The following TRPM3 variants were observed in gnomAD, a reference collection of about 807,000 sequenced individuals.
TRPM3 encodes long transient receptor potential channel 3.
Under a neutral mutation model 181.2 loss-of-function variants are expected in TRPM3, and 77 were observed. That is an observed-to-expected ratio of 0.42 (90% CI 0.35 to 0.51). TRPM3 has a LOEUF of 0.51. TRPM3 is among the 20% of genes least tolerant of loss of function. TRPM3 has a pLI of 0.01. For synonymous variants in TRPM3, 745 were observed against 796.4 expected, an observed-to-expected ratio of 0.94 and a Z score of 1.09; for missense variants, 1,759 against 2,196.7, an observed-to-expected ratio of 0.80 and a Z score of 3.98.
chr9:71,182,676 A>C (rs1210301826), intron 1 of TRPM3, among the ~76,000 whole-genome samples: 2 of 152,052 alleles, frequency 1.3e-5, no homozygotes, highest in African/African-American at 4.8e-5. Flanking sequence ...ATTTTATTTT[A>C]TTTTTAGATG....
chr9:70,617,388 G>C (rs1005787461), intron 17 of TRPM3, among the ~76,000 whole-genome samples: 1 of 152,166 alleles, frequency 6.6e-6, no homozygotes, highest in Non-Finnish European at 1.5e-5. Context: ...CCATAAAATG[G>C]TGGGTGTCAG....
At chr9:71,009,514 A>G (rs1402120470) in intron 1 of TRPM3, among the ~76,000 whole-genome samples, 1 of 152,182 alleles carries the variant, frequency 6.6e-6, no homozygotes, top group African/African-American at 2.4e-5. Flanking sequence ...GATACCTATG[A>G]ATAAACAACC....
At chr9:70,967,247 A>G (rs1479369806) in intron 1 of TRPM3, among the ~76,000 whole-genome samples, 1 of 152,056 alleles carries the variant, frequency 6.6e-6, no homozygotes, top group Non-Finnish European at 1.5e-5. Context: ...CCTTGGGGAC[A>G]GTCAGTGCTA....
chr9:71,339,038 G>C (rs2090771370), intron 1 of TRPM3, among the ~76,000 whole-genome samples: 1 of 151,880 alleles, frequency 6.6e-6, no homozygotes, highest in African/African-American at 2.4e-5. Context: ...TATAAACTTA[G>C]GATGCTAAAA....
At chr9:70,594,258 A>G (rs780291713) in intron 21 of TRPM3, among the ~76,000 whole-genome samples, 1 of 152,138 alleles carries the variant, frequency 6.6e-6, no homozygotes, top group Non-Finnish European at 1.5e-5. Context: ...GGCATGTGAA[A>G]CAATGTGGTA....
At chr9:70,566,035 C>T (rs1381804221) in intron 22 of TRPM3, among the ~76,000 whole-genome samples, 4 of 152,108 alleles carry the variant, frequency 2.6e-5, no homozygotes, top group Middle Eastern at 6.8e-3. Context: ...CATCAGTGAG[C>T]GAAACATCAA....
chr9:71,245,909 T>C (rs1338729909), intron 1 of TRPM3, among the ~76,000 whole-genome samples: 1 of 152,004 alleles, frequency 6.6e-6, no homozygotes, highest in Admixed American at 6.6e-5. Flanking sequence ...AGAAGAGAGA[T>C]TTATAAAAGA....
At chr9:70,744,289 C>T (rs2074730772) in intron 8 of TRPM3, among the ~76,000 whole-genome samples, 2 of 149,828 alleles carry the variant, frequency 1.3e-5, no homozygotes, top group South Asian at 4.2e-4. Flanking sequence ...GATCATGCCA[C>T]TGCACCTCAG....
chr9:71,223,969 C>A (rs2080410573), intron 1 of TRPM3, among the ~76,000 whole-genome samples: 1 of 152,206 alleles, frequency 6.6e-6, no homozygotes, highest in Admixed American at 6.5e-5. Context: ...GAACTTGCCA[C>A]CCTAAAGGGA....
chr9:70,894,015 C>T (rs2096248442), intron 1 of TRPM3, among the ~76,000 whole-genome samples: 1 of 152,068 alleles, frequency 6.6e-6, no homozygotes, highest in African/African-American at 2.4e-5. Flanking sequence ...TATTGGAGGA[C>T]AAAATGGGTC....
At chr9:70,667,055 A>G (rs2061945483) in intron 9 of TRPM3, among the ~76,000 whole-genome samples, 2 of 151,472 alleles carry the variant, frequency 1.3e-5, no homozygotes, top group Non-Finnish European at 2.9e-5. Flanking sequence ...AGTATTGGTG[A>G]ATTTCCTTCT....
chr9:71,081,758 A>G (rs1439347608), intron 1 of TRPM3, among the ~76,000 whole-genome samples: 2 of 152,116 alleles, frequency 1.3e-5, no homozygotes, highest in Non-Finnish European at 2.9e-5. Flanking sequence ...TTTGTATCCT[A>G]TTTCTGAAAT....
chr9:71,413,518 T>C (rs1429986914), intron 1 of TRPM3, among the ~76,000 whole-genome samples: 1 of 152,106 alleles, frequency 6.6e-6, no homozygotes, highest in African/African-American at 2.4e-5. Context: ...CTCATAATAC[T>C]GTAGTTTCTT....
rs1234639243 is a variant in TRPM3 at position 70,610,149 on chromosome 9, ACATGCACACACACG to A, written c.2667+446_2667+459del. On this transcript the variant is annotated intron_variant, in intron 19 of 25. Transcript: ENST00000677713. ...ACACTAGCAGACTGTGAGTAGTTACACATGCACACACACGCATGCATACACACACTACCTTCTTT... is the reference window on the plus strand; with the variant it reads ...ACACTAGCAGACTGTGAGTAGTTACACATGCATACACACACTACCTTCTTT... Among the ~76,000 whole-genome samples, 289 of 152,284 alleles carry A rather than the reference ACATGCACACACACG, an allele frequency of 1.9e-3. 1 individual carries two copies. The highest frequency in any genetic ancestry group is 6.7e-3 in the African/African-American group (277 of 41,560).
intron 6 of TRPM3, among the ~76,000 whole-genome samples, chr9:70,807,506 G>C (rs62545985): frequency 1.3e-5 from 2 of 151,794 alleles, no homozygotes; most frequent in African/African-American, 4.8e-5. Context: ...GTATCTAGTC[G>C]CTTCTATTAC....
intron 1 of TRPM3, among the ~76,000 whole-genome samples, chr9:71,127,376 C>T (rs571154866): frequency 2.7e-5 from 4 of 149,722 alleles, no homozygotes; most frequent in Admixed American, 1.4e-4. Flanking sequence ...GAGGTGGTGG[C>T]GGGTAGTGAC....
In TRPM3 at chr9:70,536,413, C is replaced by T. The variant is rs1349546852; in HGVS notation, c.4700G>A (p.Cys1567Tyr). The T allele has an allele frequency of 6.2e-7, 1 of 1,614,054 alleles. No individual in the cohort carries two copies. The highest frequency in any genetic ancestry group is 1.3e-5 in the African/African-American group (1 of 74,922). The change falls in exon 26 of 26, where the codon TGT (cysteine) becomes TAT (tyrosine). Residue 1567 changes from cysteine (C) to tyrosine (Y), a missense_variant. Cys to Tyr is a radical substitution (Grantham distance 194, BLOSUM62 -2). Transcript: ENST00000677713. Reference protein sequence around the residue: ...TSITDCIDTRCVNAPQAIADR... With the variant: ...TSITDCIDTRYVNAPQAIADR... ...CGCAATTGCTTGAGGGGCATTGACA[C>T]ACCTTGTGTCAATACAGTCTGTAAT...
chr9:70,968,072 CT>C (rs994357413), intron 1 of TRPM3, among the ~76,000 whole-genome samples: 1 of 151,994 alleles, frequency 6.6e-6, no homozygotes, highest in African/African-American at 2.4e-5. Context: ...ACTCTTTATC[CT>C]TTTTCCATAA....
At chr9:70,785,144 C>T (rs749537932) in intron 6 of TRPM3, among the ~76,000 whole-genome samples, 18 of 152,180 alleles carry the variant, frequency 1.2e-4, no homozygotes, top group African/African-American at 2.4e-4. Flanking sequence ...GAGCTAGGCA[C>T]GTGATGTGAG....
Sources: gnomAD v4.1 joint callset for allele counts (sites outside exome capture counted in the v4.1 genomes callset) on GRCh38, gnomAD v4.1.1 for gene constraint, MANE v1.5 for transcripts, NCBI Gene and HGNC (gene_info 2026-07-23, HGNC 2026-07-21) for gene names.